The following KCNB2 variants were observed in gnomAD, a reference collection of about 807,000 sequenced individuals.
KCNB2 encodes the protein potassium voltage-gated channel subfamily B member 2, also known as delayed rectifier potassium channel protein.
A neutral mutation model predicts 61.5 loss-of-function variants in KCNB2; 15 were observed. The observed-to-expected ratio is 0.24, with a 90% confidence interval of 0.16 to 0.38. The LOEUF (loss-of-function observed/expected upper bound fraction) is 0.38. Ranked by LOEUF, KCNB2 falls within the 10% of genes least tolerant of loss-of-function variation. The probability of loss-of-function intolerance (pLI) is 1.00; values close to 1 mark genes in which losing one functional copy is unlikely to be tolerated. For missense variants in KCNB2, 828 were observed against 1,125.2 expected, an observed-to-expected ratio of 0.74 and a Z score of 3.78; for synonymous variants, 457 against 446.0, an observed-to-expected ratio of 1.02 and a Z score of -0.31.
chr8:72,905,725 C>T (rs559386595), intron 2 of KCNB2, among the ~76,000 whole-genome samples: 1 of 152,148 alleles, frequency 6.6e-6, no homozygotes, highest in Non-Finnish European at 1.5e-5. Context: ...AGCAAAAAGG[C>T]TTTCAGTCAG....
chr8:72,610,984 C>T (rs1805528268), intron 2 of KCNB2, among the ~76,000 whole-genome samples: 1 of 152,146 alleles, frequency 6.6e-6, no homozygotes, highest in Admixed American at 6.5e-5. Flanking sequence ...GGAACACCTT[C>T]AAAACATTGA....
intron 1 of KCNB2, among the ~76,000 whole-genome samples, chr8:72,560,541 T>A (rs1806495845): frequency 6.6e-6 from 1 of 152,212 alleles, no homozygotes; most frequent in African/African-American, 2.4e-5. Flanking sequence ...CTTTCATCTT[T>A]ATCGCCTTCA....
chr8:72,915,899 A>C (rs570548540), intron 2 of KCNB2, among the ~76,000 whole-genome samples: 1 of 152,326 alleles, frequency 6.6e-6, no homozygotes, highest in South Asian at 2.1e-4. Context: ...AGCCTGGGCA[A>C]CAGAGTAAGA....
At chr8:72,819,732 A>G in intron 2 of KCNB2, among the ~76,000 whole-genome samples, 1 of 152,186 alleles carries the variant, frequency 6.6e-6, no homozygotes, top group South Asian at 2.1e-4. Flanking sequence ...AATCATTATC[A>G]TTCTAACACC....
At chr8:72,641,584 T>C (rs890751446) in intron 2 of KCNB2, among the ~76,000 whole-genome samples, 4 of 152,080 alleles carry the variant, frequency 2.6e-5, no homozygotes, top group African/African-American at 4.8e-5. Context: ...TGAAACTAGA[T>C]AAACCAATGA....
intron 2 of KCNB2, among the ~76,000 whole-genome samples, chr8:72,659,405 T>A (rs1414811670): frequency 6.6e-6 from 1 of 152,218 alleles, no homozygotes; most frequent in African/African-American, 2.4e-5. Context: ...CTTGAGGTGA[T>A]GGATGTGCTG....
intron 2 of KCNB2, among the ~76,000 whole-genome samples, chr8:72,682,029 C>T (rs995235596): frequency 6.6e-6 from 1 of 152,206 alleles, no homozygotes; most frequent in Non-Finnish European, 1.5e-5. Flanking sequence ...TTTGACTTCA[C>T]AGACTGTAAC....
intron 1 of KCNB2, among the ~76,000 whole-genome samples, chr8:72,546,006 A>G (rs1017685824): frequency 3.3e-5 from 5 of 152,148 alleles, no homozygotes; most frequent in Admixed American, 3.3e-4. Flanking sequence ...GAAGGCTGAG[A>G]GAAGTGAGTT....
intron 2 of KCNB2, among the ~76,000 whole-genome samples, chr8:72,931,940 G>A (rs1283697144): frequency 6.6e-6 from 1 of 152,212 alleles, no homozygotes; most frequent in East Asian, 1.9e-4. Context: ...TTATGTCTGG[G>A]AGGTGGAGGT....
intron 2 of KCNB2, among the ~76,000 whole-genome samples, chr8:72,924,224 T>G (rs1270292837): frequency 6.6e-6 from 1 of 152,134 alleles, no homozygotes; most frequent in Admixed American, 6.5e-5. Flanking sequence ...CTCCAAGGTT[T>G]TTTTCTAGCT....
chr8:72,891,259 A>G (rs1373495023), intron 2 of KCNB2, among the ~76,000 whole-genome samples: 2 of 152,230 alleles, frequency 1.3e-5, no homozygotes, highest in East Asian at 3.8e-4. Flanking sequence ...GTCATATATC[A>G]TCAGGAGGCA....
intron 2 of KCNB2, among the ~76,000 whole-genome samples, chr8:72,767,938 G>A (rs1255914482): frequency 1.3e-5 from 2 of 151,976 alleles, no homozygotes; most frequent in South Asian, 4.2e-4. Flanking sequence ...ATCTCATTGT[G>A]ATTTCTATTT....
chr8:72,875,222 G>C (rs1805684131), intron 2 of KCNB2: 1 of 152,206 alleles, frequency 6.6e-6, no homozygotes, highest in South Asian at 2.1e-4. Flanking sequence ...GAAGAGAACA[G>C]ACACACCCTC....
At chr8:72,589,649 T>A (rs1807062185) in intron 2 of KCNB2, among the ~76,000 whole-genome samples, 1 of 152,240 alleles carries the variant, frequency 6.6e-6, no homozygotes, top group South Asian at 2.1e-4. Flanking sequence ...GTTGACATAT[T>A]TTTAAACTGA....
chr8:72,914,093 T>A (rs1806349242), intron 2 of KCNB2, among the ~76,000 whole-genome samples: 1 of 152,186 alleles, frequency 6.6e-6, no homozygotes, highest in Non-Finnish European at 1.5e-5. Flanking sequence ...GCAGATTTAG[T>A]GTCTGGTGAG....
At chr8:72,901,656 AC>A (rs1003111513) in intron 2 of KCNB2, among the ~76,000 whole-genome samples, 17 of 152,110 alleles carry the variant, frequency 1.1e-4, no homozygotes, top group African/African-American at 4.1e-4. Context: ...TTTTCTTCTC[AC>A]AACAGTGCTA....
Position 72,705,404 on chromosome 8 carries a change from T to C in KCNB2, c.579+137091T>C, listed in dbSNP as rs141645367. Among the ~76,000 whole-genome samples the C allele has an allele frequency of 1.9e-3, 295 of 152,310 alleles. 3 individuals carry two copies. The highest frequency in any genetic ancestry group is 6.6e-3 in the African/African-American group (275 of 41,572). ...TCAAGGAATTCCCTCCCATACATGG[T>C]CCAATCCAGTTTATCTGATAGAATG... On this transcript the variant is annotated intron_variant, in intron 2 of 2. Transcript: ENST00000523207.
intron 2 of KCNB2, among the ~76,000 whole-genome samples, chr8:72,810,936 T>C (rs1195825386): frequency 1.3e-5 from 2 of 152,166 alleles, no homozygotes; most frequent in African/African-American, 2.4e-5. Context: ...ATATGAATCA[T>C]GGCTGAATTT....
intron 2 of KCNB2, among the ~76,000 whole-genome samples, chr8:72,852,836 T>A (rs1037945315): frequency 6.6e-6 from 1 of 152,242 alleles, no homozygotes; most frequent in African/African-American, 2.4e-5. Context: ...GGATTTCTCA[T>A]ACATAGAATT....
Sources: gnomAD v4.1 joint callset for allele counts (sites outside exome capture counted in the v4.1 genomes callset) on GRCh38, gnomAD v4.1.1 for gene constraint, MANE v1.5 for transcripts, NCBI Gene and HGNC (gene_info 2026-07-23, HGNC 2026-07-21) for gene names.